The following TTC3 variants were observed in gnomAD, a reference collection of about 807,000 sequenced individuals.
The protein encoded by TTC3 is E3 ubiquitin-protein ligase TTC3.
In TTC3, 180 loss-of-function variants were observed where a neutral mutation model predicts 249.6. The ratio of observed to expected loss-of-function variants is 0.72; its 90% confidence interval spans 0.64 to 0.82. The LOEUF (loss-of-function observed/expected upper bound fraction) is 0.82, where lower values mean the gene tolerates loss of function less well. Ranked by LOEUF, TTC3 falls within the 40% of genes least tolerant of loss-of-function variation. The probability of loss-of-function intolerance (pLI) is 0.00; values close to 1 mark genes in which losing one functional copy is unlikely to be tolerated. For missense variants in TTC3, 2,061 were observed against 2,398.4 expected (o/e 0.86, Z 2.94); for synonymous variants, 717 against 805.0 (o/e 0.89, Z 1.85).
intron 1 of TTC3, chr21:37,085,752 C>T (rs1478892021): frequency 6.6e-6 from 1 of 152,152 alleles, no homozygotes; most frequent in Non-Finnish European, 1.5e-5. Flanking sequence ...CTCGATGTGG[C>T]TGGGATGATG....
chr21:37,170,156 G>A (rs1005290847), intron 34 of TTC3, among the ~76,000 whole-genome samples: 5 of 152,194 alleles, frequency 3.3e-5, no homozygotes, highest in African/African-American at 1.2e-4. Context: ...CATAGCATAT[G>A]TATGACAACA....
intron 28 of TTC3, among the ~76,000 whole-genome samples, chr21:37,157,496 A>G (rs1215151996): frequency 6.6e-6 from 1 of 152,236 alleles, no homozygotes; most frequent in African/African-American, 2.4e-5. Flanking sequence ...AGCATGCACT[A>G]ATAACAGTAA....
At chr21:37,124,147 C>T (rs2076865126) in intron 13 of TTC3, among the ~76,000 whole-genome samples, 1 of 74,202 alleles carries the variant, frequency 1.3e-5, no homozygotes, top group Non-Finnish European at 2.5e-5. Flanking sequence ...AGACAGTCTC[C>T]CTCTGTCACC....
intron 10 of TTC3, among the ~76,000 whole-genome samples, chr21:37,103,023 A>G (rs1299784135): frequency 6.6e-6 from 1 of 152,184 alleles, no homozygotes; most frequent in Non-Finnish European, 1.5e-5. Flanking sequence ...CCAAAGAGTG[A>G]GAAAAAGAAG....
chr21:37,159,537 C>A, intron 28 of TTC3, 162 bp from the exon 29 acceptor site: 2 of 658,168 alleles, frequency 3.0e-6, no homozygotes, highest in East Asian at 2.9e-5. Flanking sequence ...GTTTAGTCAG[C>A]CATTTTGCCC....
At chr21:37,162,363 G>T (rs1171174533) in intron 31 of TTC3, among the ~76,000 whole-genome samples, 1 of 152,140 alleles carries the variant, frequency 6.6e-6, no homozygotes, top group East Asian at 1.9e-4. Context: ...AAAATGTCTA[G>T]AAATTATTCT....
At chr21:37,133,396 C>A (rs7275984) in intron 17 of TTC3, among the ~76,000 whole-genome samples, 80,993 of 152,016 alleles carry the variant, frequency 0.53, 22,198 homozygotes, top group African/African-American at 0.64. Flanking sequence ...AAAATAGATT[C>A]CTAATCATTT....
chr21:37,107,526 G>T (rs1228008137), intron 10 of TTC3, among the ~76,000 whole-genome samples: 1 of 152,122 alleles, frequency 6.6e-6, no homozygotes, highest in African/African-American at 2.4e-5. Flanking sequence ...ATTTAATAAT[G>T]TAGTATCTAA....
At chr21:37,162,288 ACATT>A (rs1336609075) in intron 31 of TTC3, among the ~76,000 whole-genome samples, 1 of 152,218 alleles carries the variant, frequency 6.6e-6, no homozygotes, top group East Asian at 1.9e-4. Context: ...GACACTGGTG[ACATT>A]CATTCACTAA....
intron 28 of TTC3, among the ~76,000 whole-genome samples, chr21:37,159,106 C>T (rs529326574): frequency 1.3e-5 from 2 of 152,290 alleles, no homozygotes; most frequent in East Asian, 1.9e-4. Flanking sequence ...CATCCTCTAT[C>T]TCTGAGCACA....
intron 21 of TTC3, among the ~76,000 whole-genome samples, 200 bp from the exon 22 acceptor site, chr21:37,147,281 T>C (rs76998245): frequency 6.6e-6 from 1 of 152,348 alleles, no homozygotes; most frequent in East Asian, 1.9e-4. Flanking sequence ...AGTCCTCTTT[T>C]TAAATCTCTC....
chr21:37,188,522 A>G, exon 39 of TTC3: 1 of 1,613,856 alleles, frequency 6.2e-7, no homozygotes, highest in South Asian at 1.1e-5. Flanking sequence ...CTGGAAGGAG[A>G]GTGAAGTGTA....
At chr21:37,189,629 G>A (rs1304780575) in intron 39 of TTC3, among the ~76,000 whole-genome samples, 3 of 151,384 alleles carry the variant, frequency 2.0e-5, no homozygotes, top group Non-Finnish European at 4.4e-5. Flanking sequence ...CTCACTGCAA[G>A]CTCTGCCTCC....
intron 16 of TTC3, among the ~76,000 whole-genome samples, chr21:37,131,557 C>G (rs923709432): frequency 1.3e-5 from 2 of 152,084 alleles, no homozygotes; most frequent in Non-Finnish European, 2.9e-5. Flanking sequence ...TAATAGTAAG[C>G]ACTTCCTTGA....
At chr21:37,163,406 A>C (rs1482385592) in intron 31 of TTC3, among the ~76,000 whole-genome samples, 2 of 152,190 alleles carry the variant, frequency 1.3e-5, no homozygotes, top group Non-Finnish European at 2.9e-5. Context: ...GCTGGAGCGC[A>C]ATGGCGTGAT....
chr21:37,101,514 T>TA (rs577512814), intron 10 of TTC3, among the ~76,000 whole-genome samples: 2 of 151,908 alleles, frequency 1.3e-5, no homozygotes, highest in East Asian at 1.9e-4. Context: ...ACCCCCTTTT[T>TA]AAAAAAACAG....
rs555364382 is a variant in TTC3 at position 37,113,176 on chromosome 21, T to C, written c.900+4730T>C. Among the ~76,000 whole-genome samples the C allele has an allele frequency of 1.5e-3, 224 of 152,360 alleles. 2 individuals are homozygous for C. Among genetic ancestry groups the C allele is most frequent in the African/African-American group, 4.9e-3 (205 of 41,592 alleles). On this transcript the variant is annotated intron_variant, in intron 11 of 45. Coordinates refer to ENST00000355666, the Ensembl canonical transcript of TTC3. ...TCACCACTCCTATTCAACATAGTGT[T>C]GGAAGTTCTGGCCAGGGCAATCACG...
Position 37,184,340 on chromosome 21 carries a change from G to A in TTC3, c.4758-1366G>A, listed in dbSNP as rs953162105. Among the ~76,000 whole-genome samples, 6 of 152,026 alleles carry A rather than the reference G, an allele frequency of 3.9e-5. 1 individual carries two copies. The highest frequency in any genetic ancestry group is 6.3e-3 in the Middle Eastern group (2 of 316). On this transcript the variant is annotated intron_variant, in intron 36 of 45. Coordinates refer to ENST00000355666, the Ensembl canonical transcript of TTC3. ...ATTTTTTTTCTGTACTAGCATAAAAGTTAATTTCTGCTGGAGAATAAACTT... is the reference window on the plus strand; with the variant it reads ...ATTTTTTTTCTGTACTAGCATAAAAATTAATTTCTGCTGGAGAATAAACTT...
At chr21:37,163,200 C>T (rs1364091635) in intron 31 of TTC3, among the ~76,000 whole-genome samples, 2 of 152,118 alleles carry the variant, frequency 1.3e-5, no homozygotes, top group Non-Finnish European at 2.9e-5. Flanking sequence ...GTCCAATGTA[C>T]AGATAAGGAA....
Sources: gnomAD v4.1 joint callset for allele counts (sites outside exome capture counted in the v4.1 genomes callset) on GRCh38, gnomAD v4.1.1 for gene constraint, MANE v1.5 for transcripts, NCBI Gene and HGNC (gene_info 2026-07-23, HGNC 2026-07-21) for gene names.